The following CCDC178 variants were observed in gnomAD, a reference collection of about 807,000 sequenced individuals.
CCDC178 encodes coiled-coil domain containing 178, also known as coiled-coil domain-containing protein 178.
A neutral mutation model predicts 117.4 loss-of-function variants in CCDC178; 126 were observed. The ratio of observed to expected loss-of-function variants is 1.07; its 90% CI spans 0.93 to 1.24. CCDC178 has a LOEUF of 1.24. Among genes scored for constraint, CCDC178 ranks in the 50% most tolerant of loss-of-function variants. CCDC178 has a pLI of 0.00. For missense variants in CCDC178, 1,030 were observed against 986.9 expected (o/e 1.04, Z -0.59); for synonymous variants, 283 against 313.4 (o/e 0.90, Z 1.02).
At chr18:33,267,387 A>G (rs901472059) in intron 12 of CCDC178, 90 bp from the exon 13 acceptor site, 7 of 736,596 alleles carry the variant, frequency 9.5e-6, no homozygotes, top group Non-Finnish European at 1.5e-5. Context: ...ATAAAGTAGA[A>G]TTTGTTTCAG....
At chr18:33,337,953 A>ATT (rs1217794671) in intron 9 of CCDC178, among the ~76,000 whole-genome samples, 1 of 152,144 alleles carries the variant, frequency 6.6e-6, no homozygotes, top group Non-Finnish European at 1.5e-5. Context: ...CAAAAGAAAT[A>ATT]ATCAGAGGTA....
chr18:33,327,210 G>A (rs1174277179), intron 10 of CCDC178, among the ~76,000 whole-genome samples: 2 of 152,076 alleles, frequency 1.3e-5, no homozygotes, highest in Non-Finnish European at 2.9e-5. Context: ...CGCAATATGT[G>A]ACCTTTTGTG....
At chr18:33,429,963 TAA>T (rs2064185237) in intron 2 of CCDC178, among the ~76,000 whole-genome samples, 1 of 152,230 alleles carries the variant, frequency 6.6e-6, no homozygotes, top group Non-Finnish European at 1.5e-5. Flanking sequence ...ACCTAAAATG[TAA>T]ACTTTGTTTT....
chr18:33,182,546 G>C (rs971670117), intron 20 of CCDC178, among the ~76,000 whole-genome samples: 2 of 151,754 alleles, frequency 1.3e-5, no homozygotes, highest in Non-Finnish European at 2.9e-5. Context: ...TCAAATCTTT[G>C]GTGCTGGGAG....
rs2059423286 is a variant in CCDC178 at position 33,236,069 on chromosome 18, G to A, written c.1593+9176C>T. 2.6e-5 allele frequency among the ~76,000 whole-genome samples: 4 copies of A among 152,166 alleles called. No individual in the cohort carries two copies. In the South Asian group the frequency reaches 6.2e-4, roughly 24 times the overall value. On this transcript the variant is annotated intron_variant, in intron 15 of 22. Transcript: ENST00000383096. ...CCTAAAACTTATCTGGCATTTTACA[G>A]ATGCATTAACTTGAGAGAACATAAT... is the stretch of plus-strand genomic sequence containing the variant.
At chr18:33,019,512 T>C (rs959215452) in intron 21 of CCDC178, among the ~76,000 whole-genome samples, 2 of 152,220 alleles carry the variant, frequency 1.3e-5, no homozygotes, top group Non-Finnish European at 2.9e-5. Context: ...GGTTCCTAGA[T>C]TAAGAGATGT....
chr18:33,373,935 G>T (rs929368557), intron 5 of CCDC178, among the ~76,000 whole-genome samples: 6 of 152,110 alleles, frequency 3.9e-5, no homozygotes, highest in Non-Finnish European at 7.4e-5. Flanking sequence ...TCTAAATCTG[G>T]ATTTTAAAAT....
chr18:33,393,201 GCCTTA>G (rs2063585208), intron 4 of CCDC178, among the ~76,000 whole-genome samples: 1 of 152,108 alleles, frequency 6.6e-6, no homozygotes, highest in African/African-American at 2.4e-5. Flanking sequence ...TCATATGTAT[GCCTTA>G]TTTTATGCTT....
Position 33,009,112 on chromosome 18 carries a change from T to A in CCDC178, c.2389-34431A>T, listed in dbSNP as rs371508218. ...TCATCAGAAGATCCTATTGGTGCTA[T>A]CTTTAAAATATACCCTGAATTTGAC... On this transcript the variant is annotated intron_variant, in intron 21 of 22. Transcript: ENST00000383096. Among the ~76,000 whole-genome samples the A allele has an allele frequency of 9.9e-5, 15 of 152,214 alleles. No individual in the cohort carries two copies. In the East Asian group the frequency reaches 2.5e-3, roughly 26 times the overall value.
chr18:33,409,531 T>C (rs1224883899), intron 3 of CCDC178, among the ~76,000 whole-genome samples: 3 of 152,230 alleles, frequency 2.0e-5, no homozygotes, highest in Admixed American at 2.0e-4. Flanking sequence ...TTAGTAAATA[T>C]GACCTCCCAT....
chr18:33,197,625 C>CAAAAA (rs35818550), intron 20 of CCDC178, among the ~76,000 whole-genome samples: 12 of 136,242 alleles, frequency 8.8e-5, no homozygotes, highest in Admixed American at 2.9e-4. Flanking sequence ...ATTGCTTTAT[C>CAAAAA]AAAAAAAAAA....
chr18:33,394,684 C>T (rs938442743), intron 4 of CCDC178, among the ~76,000 whole-genome samples: 16 of 151,502 alleles, frequency 1.1e-4, no homozygotes, highest in Admixed American at 2.6e-4. Flanking sequence ...TTAAGCATAT[C>T]TTGGAATATA....
chr18:33,290,978 G>A (rs2060159666), intron 12 of CCDC178, among the ~76,000 whole-genome samples: 1 of 152,068 alleles, frequency 6.6e-6, no homozygotes, highest in African/African-American at 2.4e-5. Context: ...TCTGGCAAGT[G>A]AAACATGCAT....
intron 5 of CCDC178, among the ~76,000 whole-genome samples, chr18:33,375,489 G>A (rs1032767975): frequency 6.6e-6 from 1 of 152,126 alleles, no homozygotes; most frequent in Non-Finnish European, 1.5e-5. Context: ...AAGGAAGGGA[G>A]GTCTGGGCCT....
chr18:33,380,775 C>T (rs1413439213), intron 5 of CCDC178, among the ~76,000 whole-genome samples: 1 of 152,320 alleles, frequency 6.6e-6, no homozygotes, highest in East Asian at 1.9e-4. Flanking sequence ...TCTTTATGCA[C>T]TATCTTGCTT....
intron 10 of CCDC178, among the ~76,000 whole-genome samples, chr18:33,327,857 T>G: frequency 6.6e-6 from 1 of 152,090 alleles, no homozygotes; most frequent in East Asian, 1.9e-4. Context: ...TGTTTGTCTT[T>G]CAGTTGTCAA....
At chr18:33,314,089 T>A (rs2062382444) in intron 11 of CCDC178, among the ~76,000 whole-genome samples, 1 of 146,856 alleles carries the variant, frequency 6.8e-6, no homozygotes, top group African/African-American at 2.5e-5. Flanking sequence ...TAATCCCAGC[T>A]ACTTGGGAGG....
intron 2 of CCDC178, among the ~76,000 whole-genome samples, chr18:33,415,618 G>A (rs2063929475): frequency 6.6e-6 from 1 of 152,034 alleles, no homozygotes; most frequent in African/African-American, 2.4e-5. Context: ...AACGGGTGCA[G>A]CACACCAACA....
chr18:33,026,627 A>T (rs2056234971), intron 21 of CCDC178, among the ~76,000 whole-genome samples: 1 of 151,976 alleles, frequency 6.6e-6, no homozygotes, highest in African/African-American at 2.4e-5. Flanking sequence ...CCAGAAGAAA[A>T]AGTATATTAC....
Sources: allele counts gnomAD v4.1 joint callset (sites outside exome capture counted in the v4.1 genomes callset), GRCh38; gene constraint gnomAD v4.1.1; transcripts MANE v1.5; gene names NCBI Gene and HGNC (gene_info 2026-07-23, HGNC 2026-07-21).